Variants in MYBL1 observed in about 807,000 individuals in gnomAD.
The protein encoded by MYBL1 is myb-related protein A.
In MYBL1, 17 loss-of-function variants were observed where a neutral mutation model predicts 96.3. The ratio of observed to expected loss-of-function variants is 0.18; its 90% CI spans 0.12 to 0.26. MYBL1 has a LOEUF of 0.26. Among genes scored for constraint, MYBL1 ranks in the 10% least tolerant of loss-of-function variants. MYBL1 has a pLI of 1.00. For synonymous variants in MYBL1, 282 were observed against 292.7 expected, an observed-to-expected ratio of 0.96 and a Z score of 0.37; for missense variants, 701 against 882.9, an observed-to-expected ratio of 0.79 and a Z score of 2.61.
At chr8:66,583,798 T>G (rs1037112172) in intron 8 of MYBL1, among the ~76,000 whole-genome samples, 13 of 152,278 alleles carry the variant, frequency 8.5e-5, no homozygotes, top group African/African-American at 3.1e-4. Flanking sequence ...CAATTACAAG[T>G]AGCAAGACTG....
At chr8:66,581,003 G>C (rs1809189719) in intron 8 of MYBL1, among the ~76,000 whole-genome samples, 1 of 151,832 alleles carries the variant, frequency 6.6e-6, no homozygotes, top group South Asian at 2.1e-4. Flanking sequence ...TGGGATTACA[G>C]GTACCCATCA....
intron 8 of MYBL1, among the ~76,000 whole-genome samples, chr8:66,586,454 G>T (rs980514515): frequency 2.6e-5 from 4 of 152,118 alleles, no homozygotes; most frequent in Admixed American, 2.6e-4. Flanking sequence ...CTAGTCATCA[G>T]GGAAATGCAA....
intron 8 of MYBL1, among the ~76,000 whole-genome samples, chr8:66,584,066 T>C (rs1809317364): frequency 6.6e-6 from 1 of 152,174 alleles, no homozygotes; most frequent in African/African-American, 2.4e-5. Flanking sequence ...AAATGGAATT[T>C]ATCCCAGGGA....
Position 66,580,340 on chromosome 8 carries a change from A to C in MYBL1, c.894T>G (p.Ser298=). 1 of 1,606,160 alleles carries C rather than the reference A, an allele frequency of 6.2e-7. No individual in the cohort carries two copies. Among genetic ancestry groups the C allele is most frequent in the East Asian group, 2.2e-5 (1 of 44,724 alleles). Residue 298 remains serine, a synonymous_variant, in exon 9 of 16, where the codon TCT becomes TCG. Transcript: ENST00000522677. The part of the protein sequence containing the change: ...PSQPGSFSSW[S]GSFLMDDNMS... The stretch of plus-strand genomic sequence containing the variant: ...TGTTATCATCCATGAGGAAACTACC[A>C]GACCAGCTAGAAAAACTTCCAGGCT...
chr8:66,586,943 A>G (rs1484820472), intron 8 of MYBL1, among the ~76,000 whole-genome samples: 2 of 152,128 alleles, frequency 1.3e-5, no homozygotes. Flanking sequence ...CAGGCAGAGA[A>G]AGATAAACAC....
chr8:66,591,949 C>G (rs1257587292), intron 8 of MYBL1, among the ~76,000 whole-genome samples: 1 of 151,860 alleles, frequency 6.6e-6, no homozygotes, highest in Non-Finnish European at 1.5e-5. Context: ...GTAAATTATG[C>G]TCAAAGAAAT....
chr8:66,605,811 G>A (rs1016110498), intron 1 of MYBL1, among the ~76,000 whole-genome samples: 4 of 152,094 alleles, frequency 2.6e-5, no homozygotes, highest in Non-Finnish European at 5.9e-5. Context: ...GCAAGACTCC[G>A]TCTCAATAAA....
chr8:66,593,408 G>A (rs775980185), intron 6 of MYBL1, among the ~76,000 whole-genome samples: 9 of 152,092 alleles, frequency 5.9e-5, no homozygotes, highest in African/African-American at 2.2e-4. Context: ...GTAACACTTA[G>A]AAAAGACTTT....
intron 15 of MYBL1, among the ~76,000 whole-genome samples, chr8:66,565,822 AC>A (rs1331150264): frequency 6.6e-6 from 1 of 152,146 alleles, no homozygotes; most frequent in Non-Finnish European, 1.5e-5. Flanking sequence ...TAAAAAAGAT[AC>A]AGTGCTTAGG....
Position 66,577,926 on chromosome 8 carries a change from G to A in MYBL1, c.1102-1551C>T, listed in dbSNP as rs574629337. Among the ~76,000 whole-genome samples the A allele has an allele frequency of 2.0e-4, 30 of 152,076 alleles. No homozygotes were observed. The East Asian group carries it at 2.9e-3, about 15-fold the overall frequency. On this transcript the variant is annotated intron_variant, in intron 9 of 15. Transcript: ENST00000522677. ...ACAGAGCCCTCAGAAATAATGCCGC[G>A]TTATCTACAACTATCTGATCTTTGA... is the stretch of plus-strand genomic sequence containing the variant.
At position 66,566,123 on chromosome 8, in the gene MYBL1, T is replaced by G; in HGVS notation, c.2071A>C (p.Thr691Pro). Residue 691 changes from threonine (T) to proline (P), a missense_variant, in exon 15 of 16, where the codon ACT (threonine) becomes CCT (proline). Physicochemically the swap from Thr to Pro is conservative, Grantham distance 38. Coordinates refer to ENST00000522677, the MANE Select transcript of MYBL1 (RefSeq NM_001080416.4). ...GTGTTAGGGTTTGGTTTCTTTTTAGTAAGTGTATATGTTTTGTTGGTTGAA... is the reference window on the plus strand; with the variant it reads ...GTGTTAGGGTTTGGTTTCTTTTTAGGAAGTGTATATGTTTTGTTGGTTGAA... Reference protein sequence around the residue: ...INSTNKTYTLTKKKPNPNTSK... With the variant: ...INSTNKTYTLPKKKPNPNTSK... The G allele has an allele frequency of 6.5e-7, 1 of 1,544,220 alleles. No individual in the cohort carries two copies. The highest frequency in any genetic ancestry group is 1.2e-5 in the South Asian group (1 of 83,008).
At position 66,564,720 on chromosome 8, in the gene MYBL1, T is replaced by G; in HGVS notation, c.2236A>C (p.Thr746Pro). The G allele has an allele frequency of 6.3e-7, 1 of 1,581,370 alleles. No homozygotes were observed. Among genetic ancestry groups the G allele is most frequent in the Non-Finnish European group, 8.6e-7 (1 of 1,160,940 alleles). The change falls in exon 16 of 16, where the codon ACT becomes CCT. Residue 746 changes from threonine to proline, a missense_variant. Physicochemically the swap from Thr to Pro is conservative, Grantham distance 38. Around this residue, in one of 5 missense-constraint regions of MYBL1, gnomAD observed 137 missense variants for 137.5 expected, o/e 1.00. Transcript: ENST00000522677. ...AATTACAGTATGAGAGCTCTTGAAG[T>G]ACTACTGGTAGCTGTGTAAGTACTC... ...YLSTYTATSS[T>P]SRALIL is the part of the protein sequence containing the mutation.
At chr8:66,580,059 C>T (rs762390169) in intron 9 of MYBL1, 74 bp downstream of exon 9, 15 of 1,167,752 alleles carry the variant, frequency 1.3e-5, no homozygotes, top group Non-Finnish European at 1.8e-5. Flanking sequence ...GGTCAATGTC[C>T]AAAACTGAGT....
At position 66,564,513 on chromosome 8, in the gene MYBL1, A is replaced by C; in HGVS notation, c.*184T>G. The C allele has an allele frequency of 5.3e-6, 2 of 375,668 alleles. No homozygotes were observed. The highest frequency in any genetic ancestry group is 9.3e-6 in the Non-Finnish European group (2 of 214,384). The allele number at this position is 375,668 out of a possible 1,614,324, so 23.3% of individuals were successfully genotyped here. A position where few individuals can be genotyped will look rare whatever the true frequency, so the allele number is the denominator to read the frequency against. On this transcript the variant is annotated 3_prime_UTR_variant, in exon 16 of 16. Transcript: ENST00000522677. Reference sequence around the variant, plus strand: ...CTCATCTCTTAAAAAATAAACTATGAAACTATCTACCCCTTAAGTGACTTA... The same window carrying C: ...CTCATCTCTTAAAAAATAAACTATGCAACTATCTACCCCTTAAGTGACTTA...
intron 6 of MYBL1, among the ~76,000 whole-genome samples, chr8:66,593,768 T>C (rs1809743580): frequency 1.3e-5 from 2 of 152,162 alleles, no homozygotes; most frequent in Admixed American, 6.5e-5. Context: ...ACATCTGTAA[T>C]AAGAATTTTC....
At chr8:66,610,454 C>T (rs549561478) in intron 1 of MYBL1, among the ~76,000 whole-genome samples, 33 of 151,412 alleles carry the variant, frequency 2.2e-4, no homozygotes, top group Non-Finnish European at 4.6e-4. Flanking sequence ...ACAGGATTTA[C>T]GCCTATGCTC....
chr8:66,596,532 T>C lies in MYBL1; in HGVS notation c.513-775A>G, dbSNP rs557212777. 2.2e-4 allele frequency among the ~76,000 whole-genome samples: 33 copies of C among 152,286 alleles called. No individual in the cohort carries two copies. In the South Asian group the frequency reaches 6.2e-3, roughly 29 times the overall value. On this transcript the variant is annotated intron_variant, in intron 5 of 15. Coordinates refer to ENST00000522677, the MANE Select transcript of MYBL1 (RefSeq NM_001080416.4). ...TTAAAAGCATCTAGACCTGGTTTAA[T>C]AACTTGAATAAAAAATTTAACACTA...
Position 66,599,015 on chromosome 8 carries a change from C to T in MYBL1, c.291+35G>A, listed in dbSNP as rs377037556. The stretch of plus-strand genomic sequence containing the variant: ...ATTAAAAAGAAAAAAGCTAGTCTAC[C>T]TACATAGTGAATATAAAGAATATGA... On this transcript the variant is annotated intron_variant, in intron 4 of 15. Coordinates refer to ENST00000522677, the MANE Select transcript of MYBL1 (RefSeq NM_001080416.4). The T allele has an allele frequency of 8.0e-6, 11 of 1,368,828 alleles. No individual in the cohort carries two copies. The African/African-American group carries it at 1.3e-4, about 17-fold the overall frequency. 84.8% of individuals were successfully genotyped at this position (1,368,828 alleles called of 1,614,324 possible). A position where few individuals can be genotyped will look rare whatever the true frequency, so the allele number is the denominator to read the frequency against.
intron 8 of MYBL1, among the ~76,000 whole-genome samples, chr8:66,583,893 A>AAC (rs1418797041): frequency 6.6e-6 from 1 of 152,206 alleles, no homozygotes; most frequent in Admixed American, 6.5e-5. Context: ...TATAAAGAAG[A>AAC]ACTATCAATT....
Sources: gnomAD v4.1 joint callset for allele counts (sites outside exome capture counted in the v4.1 genomes callset) on GRCh38, gnomAD v4.1.1 for gene constraint, gnomAD v4.1.1 regional missense constraint, MANE v1.5 for transcripts, NCBI Gene and HGNC (gene_info 2026-07-23, HGNC 2026-07-21) for gene names.